Variants in MACROD2 observed in about 807,000 individuals in gnomAD.
The protein encoded by MACROD2 is ADP-ribose glycohydrolase MACROD2.
A neutral mutation model predicts 70.4 loss-of-function variants in MACROD2; 36 were observed. The ratio of observed to expected loss-of-function variants is 0.51; its 90% CI spans 0.39 to 0.68. The LOEUF is 0.68. MACROD2 is among the 30% of genes least tolerant of loss of function. The pLI, the probability that MACROD2 is intolerant of heterozygous loss-of-function variation, is 0.00. For missense variants in MACROD2, 496 were observed against 538.4 expected, an observed-to-expected ratio of 0.92 and a Z score of 0.78; for synonymous variants, 172 against 178.8, an observed-to-expected ratio of 0.96 and a Z score of 0.30.
chr20:16,001,875 A>G (rs2147505883), intron 15 of MACROD2, among the ~76,000 whole-genome samples: 1 of 152,188 alleles, frequency 6.6e-6, no homozygotes, highest in South Asian at 2.1e-4. Context: ...ACTTTTCAAA[A>G]TTAATATAGT....
chr20:15,144,491 C>G (rs1307940440), intron 5 of MACROD2, among the ~76,000 whole-genome samples: 1 of 152,098 alleles, frequency 6.6e-6, no homozygotes, highest in Non-Finnish European at 1.5e-5. Flanking sequence ...AAACGTTCTT[C>G]CAGTTTTCAA....
chr20:14,091,840 T>C (rs750236421), intron 3 of MACROD2, among the ~76,000 whole-genome samples: 3 of 152,172 alleles, frequency 2.0e-5, no homozygotes, highest in Non-Finnish European at 4.4e-5. Flanking sequence ...CATTCACCCA[T>C]TGAGGGACAT....
chr20:14,625,282 G>A (rs1375045190), intron 4 of MACROD2, among the ~76,000 whole-genome samples: 3 of 151,946 alleles, frequency 2.0e-5, no homozygotes, highest in Non-Finnish European at 4.4e-5. Context: ...AGTCGAGATC[G>A]TGCCATTTAA....
At chr20:15,245,813 T>C (rs1305620262) in intron 6 of MACROD2, among the ~76,000 whole-genome samples, 1 of 152,240 alleles carries the variant, frequency 6.6e-6, no homozygotes, top group African/African-American at 2.4e-5. Context: ...GTGTATTAAA[T>C]GCATTTTCAA....
At chr20:14,869,639 G>A (rs1329920567) in intron 5 of MACROD2, among the ~76,000 whole-genome samples, 1 of 152,088 alleles carries the variant, frequency 6.6e-6, no homozygotes. Context: ...GCATTTAAGG[G>A]GATCTGACTG....
intron 5 of MACROD2, among the ~76,000 whole-genome samples, chr20:14,937,655 T>G (rs1375208722): frequency 6.6e-6 from 1 of 152,138 alleles, no homozygotes; most frequent in Non-Finnish European, 1.5e-5. Context: ...TATGTATATA[T>G]AATCTTAAAT....
intron 4 of MACROD2, among the ~76,000 whole-genome samples, chr20:14,566,333 A>G (rs888209554): frequency 1.3e-5 from 2 of 151,928 alleles, no homozygotes; most frequent in African/African-American, 4.8e-5. Context: ...AGGCTGAGTC[A>G]GGAGGATCAC....
At chr20:14,570,189 A>G (rs1197527437) in intron 4 of MACROD2, among the ~76,000 whole-genome samples, 1 of 152,094 alleles carries the variant, frequency 6.6e-6, no homozygotes, top group Non-Finnish European at 1.5e-5. Flanking sequence ...CTGTACGTAT[A>G]TACAACGGCA....
chr20:14,098,501 T>G (rs1019833036), intron 3 of MACROD2, among the ~76,000 whole-genome samples: 1 of 152,196 alleles, frequency 6.6e-6, no homozygotes, highest in African/African-American at 2.4e-5. Context: ...AGATAACCAT[T>G]TAATAGCTGA....
chr20:14,128,364 A>G (rs1324113385), intron 3 of MACROD2: 1 of 155,202 alleles, frequency 6.4e-6, no homozygotes, highest in Non-Finnish European at 1.4e-5. Flanking sequence ...ATGGAAATAC[A>G]TTGGAGAAAA....
At chr20:15,330,562 T>C (rs556716470) in intron 6 of MACROD2, among the ~76,000 whole-genome samples, 2 of 151,580 alleles carry the variant, frequency 1.3e-5, no homozygotes, top group East Asian at 3.9e-4. Context: ...CAACAAAAAA[T>C]GTAGGACTGC....
At chr20:14,848,855 G>A (rs912355308) in intron 5 of MACROD2, among the ~76,000 whole-genome samples, 1 of 152,058 alleles carries the variant, frequency 6.6e-6, no homozygotes, top group African/African-American at 2.4e-5. Context: ...GTGTACCTGA[G>A]GTTGTGCCGT....
At chr20:14,944,133 C>T (rs1600855944) in intron 5 of MACROD2, among the ~76,000 whole-genome samples, 1 of 151,986 alleles carries the variant, frequency 6.6e-6, no homozygotes, top group East Asian at 1.9e-4. Flanking sequence ...GCTCTCCTTA[C>T]CCCTAACTCC....
intron 6 of MACROD2, among the ~76,000 whole-genome samples, chr20:15,388,578 G>T (rs529163497): frequency 6.6e-6 from 1 of 152,140 alleles, no homozygotes; most frequent in East Asian, 1.9e-4. Flanking sequence ...TTATTTATCT[G>T]AAATTCCAAG....
chr20:14,340,748 G>A lies in MACROD2; in HGVS notation c.272-152731G>A, dbSNP rs140241217. Among the ~76,000 whole-genome samples the A allele has an allele frequency of 5.7e-4, 87 of 152,290 alleles. 1 individual carries two copies. Among genetic ancestry groups the A allele is most frequent in the African/African-American group, 1.9e-3 (81 of 41,568 alleles). ...AATCTAGCATTGTACGTGAGAAAGT[G>A]CATTTCAGATTGAAAGCAACTGGTT... On this transcript the variant is annotated intron_variant, in intron 3 of 17. Transcript: ENST00000684519.
chr20:14,006,638 G>C lies in MACROD2; in HGVS notation c.163+4234G>C, dbSNP rs77151892. Among the ~76,000 whole-genome samples, 668 of 152,204 alleles carry C rather than the reference G, an allele frequency of 4.4e-3. 4 individuals carry two copies. The highest frequency in any genetic ancestry group is 0.015 in the African/African-American group (636 of 41,532). On this transcript the variant is annotated intron_variant, in intron 2 of 17. Transcript: ENST00000684519. ...TTTACAATTGATTTGCTTGAATCAA[G>C]ATCTAATCAAGGTCCATATATTGCA...
In MACROD2 at chr20:14,380,379, G is replaced by T. The variant is rs190471087; in HGVS notation, c.272-113100G>T. On this transcript the variant is annotated intron_variant, in intron 3 of 17. Coordinates refer to ENST00000684519, the MANE Select transcript of MACROD2 (RefSeq NM_001351661.2). ...TAATAGGTTGTCTTTTCACTCTCTTGAGAGTGTCCTTCGGTACACAGAGTT... is the reference window on the plus strand; with the variant it reads ...TAATAGGTTGTCTTTTCACTCTCTTTAGAGTGTCCTTCGGTACACAGAGTT... 1.4e-3 allele frequency among the ~76,000 whole-genome samples: 218 copies of T among 152,144 alleles called. 1 individual carries two copies. Among genetic ancestry groups the T allele is most frequent in the Non-Finnish European group, 2.6e-3 (180 of 67,952 alleles).
At chr20:14,439,489 C>G (rs2084096551) in intron 3 of MACROD2, among the ~76,000 whole-genome samples, 1 of 151,894 alleles carries the variant, frequency 6.6e-6, no homozygotes, top group Non-Finnish European at 1.5e-5. Context: ...TTTAAAATAT[C>G]TAATTTTAGG....
intron 3 of MACROD2, among the ~76,000 whole-genome samples, chr20:14,352,749 C>G (rs2083135189): frequency 6.6e-6 from 1 of 150,776 alleles, no homozygotes; most frequent in Non-Finnish European, 1.5e-5. Context: ...CCTTAATTTC[C>G]CCTTTTTGGC....
Sources: gnomAD v4.1 joint callset for allele counts (sites outside exome capture counted in the v4.1 genomes callset) on GRCh38, gnomAD v4.1.1 for gene constraint, MANE v1.5 for transcripts, NCBI Gene and HGNC (gene_info 2026-07-23, HGNC 2026-07-21) for gene names.